SLC44A5: variants seen among roughly 807,000 people sequenced by gnomAD.
SLC44A5 encodes the protein choline transporter-like protein 5.
SLC44A5 carries 57 observed loss-of-function variants against 101.8 expected under a neutral mutation model. That is an observed-to-expected ratio of 0.56 (90% CI 0.45 to 0.70). SLC44A5 has a LOEUF of 0.70. Among genes scored for constraint, SLC44A5 ranks in the 30% least tolerant of loss-of-function variants. SLC44A5 has a pLI of 0.00. For synonymous variants in SLC44A5, 281 were observed against 290.9 expected (o/e 0.97, Z 0.35); for missense variants, 737 against 853.1 (o/e 0.86, Z 1.70).
intron 1 of SLC44A5, among the ~76,000 whole-genome samples, chr1:75,588,234 G>GGGAAGGAA (rs1207417615): frequency 1.4e-5 from 2 of 146,366 alleles, no homozygotes; most frequent in Non-Finnish European, 3.0e-5. Context: ...GAGGGAGGGA[G>GGGAAGGAA]GGAAGGAAGG....
At chr1:75,421,039 T>C (rs1663971508) in intron 2 of SLC44A5, among the ~76,000 whole-genome samples, 1 of 152,076 alleles carries the variant, frequency 6.6e-6, no homozygotes, top group African/African-American at 2.4e-5. Context: ...TAACTACTGT[T>C]TCAGAGGGGG....
At chr1:75,400,497 G>A (rs773380996) in intron 2 of SLC44A5, among the ~76,000 whole-genome samples, 61 of 152,290 alleles carry the variant, frequency 4.0e-4, no homozygotes, top group Non-Finnish European at 6.9e-4. Flanking sequence ...CAAAGGTTAC[G>A]CATTTTTAAG....
chr1:75,397,573 A>G (rs1421826712), intron 2 of SLC44A5, among the ~76,000 whole-genome samples: 1 of 152,146 alleles, frequency 6.6e-6, no homozygotes, highest in Non-Finnish European at 1.5e-5. Flanking sequence ...CAACTTTTGA[A>G]CACTTACTAT....
chr1:75,240,555 G>A (rs1192288520), intron 9 of SLC44A5, among the ~76,000 whole-genome samples: 2 of 151,898 alleles, frequency 1.3e-5, no homozygotes, highest in Admixed American at 1.3e-4. Context: ...TTATCCTTTT[G>A]CATAAAAATT....
chr1:75,423,370 C>T (rs1466269740), intron 2 of SLC44A5, among the ~76,000 whole-genome samples: 1 of 152,184 alleles, frequency 6.6e-6, no homozygotes, highest in Non-Finnish European at 1.5e-5. Flanking sequence ...CTTCTATCAA[C>T]TCAGCTGTAG....
chr1:75,517,505 A>G (rs1211646146), intron 2 of SLC44A5, among the ~76,000 whole-genome samples: 1 of 152,186 alleles, frequency 6.6e-6, no homozygotes, highest in Non-Finnish European at 1.5e-5. Flanking sequence ...AAAGCGGGAA[A>G]GCAAAAGGCG....
the SLC44A5 span, among the ~76,000 whole-genome samples, chr1:75,669,519 C>T: frequency 6.6e-6 from 1 of 152,308 alleles, no homozygotes; most frequent in Non-Finnish European, 1.5e-5. Flanking sequence ...TCACTACTGT[C>T]CCAACTTAGG....
chr1:75,619,963 G>A, the SLC44A5 span, among the ~76,000 whole-genome samples: 2,632 of 152,030 alleles, frequency 0.017, 73 homozygotes, highest in African/African-American at 0.06. Context: ...GGTATTTATC[G>A]TAATCCTATC....
chr1:75,339,285 A>T (rs1657684537), intron 4 of SLC44A5, among the ~76,000 whole-genome samples: 1 of 152,166 alleles, frequency 6.6e-6, no homozygotes, highest in Admixed American at 6.5e-5. Context: ...CTTCTCTACA[A>T]AGTGGTTAAA....
intron 2 of SLC44A5, among the ~76,000 whole-genome samples, chr1:75,416,206 C>T (rs1486399699): frequency 1.3e-5 from 2 of 152,162 alleles, no homozygotes; most frequent in African/African-American, 4.8e-5. Flanking sequence ...GGTCTCCCTA[C>T]TGTGTGCAGC....
At chr1:75,502,917 G>C (rs1669046265) in intron 2 of SLC44A5, among the ~76,000 whole-genome samples, 1 of 152,002 alleles carries the variant, frequency 6.6e-6, no homozygotes, top group African/African-American at 2.4e-5. Context: ...AATTTGCTCT[G>C]CCATGCCTCA....
At position 75,603,753 on chromosome 1, in the gene SLC44A5, G is replaced by GTTTTTTTTTTTTTTTTTT. The variant is rs57844833; in HGVS notation, c.-70+7286_-70+7287insAAAAAAAAAAAAAAAAAA. Among the ~76,000 whole-genome samples, 5 of 54,070 alleles carry GTTTTTTTTTTTTTTTTTT rather than the reference G, an allele frequency of 9.2e-5. 1 individual carries two copies. Among genetic ancestry groups the GTTTTTTTTTTTTTTTTTT allele is most frequent in the African/African-American group, 2.8e-4 (3 of 10,880 alleles). 35.5% of individuals were successfully genotyped at this position (54,070 alleles called of 152,430 possible). On this transcript the variant is annotated intron_variant, in intron 1 of 23. Transcript: ENST00000370859. The stretch of plus-strand genomic sequence containing the variant: ...TTAGTGATGTGGAGCATTTTTTCAT[G>GTTTTTTTTTTTTTTTTTT]TTTTTTTTTTTTTTTTTGCTGCTTG...
chr1:75,608,731 C>T (rs963644405), intron 1 of SLC44A5, among the ~76,000 whole-genome samples: 50 of 151,912 alleles, frequency 3.3e-4, no homozygotes, highest in African/African-American at 1.2e-3. Flanking sequence ...AGGGTCTTTG[C>T]TCTGGCTTTT....
chr1:75,690,203 G>A, the SLC44A5 span, among the ~76,000 whole-genome samples: 1 of 151,888 alleles, frequency 6.6e-6, no homozygotes, highest in Non-Finnish European at 1.5e-5. Flanking sequence ...GAGGCCTCAG[G>A]AAACTTACAA....
chr1:75,238,992 C>CT (rs770733636), intron 9 of SLC44A5, among the ~76,000 whole-genome samples: 2 of 152,078 alleles, frequency 1.3e-5, no homozygotes, highest in South Asian at 4.1e-4. Context: ...ACTTGTATGA[C>CT]TGGATGAGTT....
the SLC44A5 span, among the ~76,000 whole-genome samples, chr1:75,627,499 C>T: frequency 2.0e-5 from 3 of 152,002 alleles, no homozygotes; most frequent in South Asian, 2.1e-4. Context: ...GGCAACATAG[C>T]GAGACCTTGT....
At chr1:75,701,366 A>G in the SLC44A5 span, among the ~76,000 whole-genome samples, 1 of 152,230 alleles carries the variant, frequency 6.6e-6, no homozygotes, top group East Asian at 1.9e-4. Context: ...GCAAATCAAT[A>G]AACATAATCC....
chr1:75,637,050 G>A, the SLC44A5 span, among the ~76,000 whole-genome samples: 47 of 152,076 alleles, frequency 3.1e-4, no homozygotes, highest in African/African-American at 1.1e-3. Flanking sequence ...AAGAGTTCTC[G>A]AAATATGGCT....
chr1:75,431,432 T>A (rs1664606753), intron 2 of SLC44A5, among the ~76,000 whole-genome samples: 1 of 152,182 alleles, frequency 6.6e-6, no homozygotes, highest in Non-Finnish European at 1.5e-5. Flanking sequence ...TTACACTACT[T>A]TAAATGAATG....
Sources: gnomAD v4.1 joint callset for allele counts (sites outside exome capture counted in the v4.1 genomes callset) on GRCh38, gnomAD v4.1.1 for gene constraint, MANE v1.5 for transcripts, NCBI Gene and HGNC (gene_info 2026-07-23, HGNC 2026-07-21) for gene names.